Variants in CCDC33 observed in about 807,000 individuals in gnomAD.
CCDC33 encodes coiled-coil domain-containing protein 33.
In CCDC33, 94 loss-of-function variants were observed where a neutral mutation model predicts 91.9. The observed-to-expected ratio is 1.02, with a 90% CI of 0.87 to 1.21. The LOEUF (loss-of-function observed/expected upper bound fraction) is 1.21. Ranked by LOEUF, CCDC33 falls within the 50% of genes most tolerant of loss-of-function variation. The pLI is 0.00. For synonymous variants in CCDC33, 396 were observed against 374.5 expected (o/e 1.06, Z -0.66); for missense variants, 940 against 935.5 (o/e 1.00, Z -0.06).
Position 74,268,409 on chromosome 15 carries a change from A to G in CCDC33, c.497A>G (p.Lys166Arg), listed in dbSNP as rs2076225718. The G allele has an allele frequency of 6.2e-7, 1 of 1,602,392 alleles. No individual in the cohort carries two copies. ...KTQLYATVVR[K>R]SSFIPRYIGC... is the part of the protein sequence containing the mutation. ...CAGTTGTACGCAACAGTCGTTCGGA[A>G]GAGCAGCTTCATACCCCGCTACATC... The change falls in exon 5 of 19, where the codon AAG (lysine) becomes AGG (arginine). Residue 166 changes from lysine to arginine, a missense_variant. Lys to Arg is a conservative substitution (Grantham distance 26). Transcript: ENST00000398814.
chr15:74,248,754 A>G (rs918951540), intron 2 of CCDC33, among the ~76,000 whole-genome samples: 2 of 151,878 alleles, frequency 1.3e-5, no homozygotes, highest in African/African-American at 2.4e-5. Flanking sequence ...AGCCAAAACT[A>G]TTCCAGACCA....
At chr15:74,248,074 C>G (rs1018993018) in intron 2 of CCDC33, among the ~76,000 whole-genome samples, 3 of 149,816 alleles carry the variant, frequency 2.0e-5, no homozygotes, top group African/African-American at 7.4e-5. Flanking sequence ...GAGACTCCGT[C>G]TAAAAAAAAA....
intron 17 of CCDC33, among the ~76,000 whole-genome samples, chr15:74,334,298 G>A (rs1451184444): frequency 6.6e-6 from 1 of 151,280 alleles, no homozygotes; most frequent in East Asian, 2.0e-4. Flanking sequence ...TCAGGGTTCA[G>A]TGTACAATCA....
chr15:74,258,620 G>A (rs1446627106), intron 2 of CCDC33, among the ~76,000 whole-genome samples: 1 of 152,174 alleles, frequency 6.6e-6, no homozygotes, highest in Non-Finnish European at 1.5e-5. Flanking sequence ...ATGTGTGCAT[G>A]TATGTGTGTG....
At chr15:74,334,051 A>G in intron 17 of CCDC33, 84 bp downstream of exon 17, 1 of 1,206,674 alleles carries the variant, frequency 8.3e-7, no homozygotes. Context: ...AGCAGAGTCT[A>G]GGCTCAATCT....
intron 4 of CCDC33, among the ~76,000 whole-genome samples, chr15:74,267,641 G>A (rs1477465675): frequency 6.6e-6 from 1 of 152,100 alleles, no homozygotes; most frequent in Non-Finnish European, 1.5e-5. Flanking sequence ...GAAAGTGGTT[G>A]AGAGTAAAGA....
intron 2 of CCDC33, among the ~76,000 whole-genome samples, chr15:74,245,697 C>T (rs1337894867): frequency 3.5e-5 from 5 of 141,558 alleles, no homozygotes; most frequent in Non-Finnish European, 4.6e-5. Flanking sequence ...TTCGGAGAGC[C>T]GGGCACACCC....
chr15:74,298,226 G>T (rs1371536848), intron 11 of CCDC33, among the ~76,000 whole-genome samples: 1 of 152,060 alleles, frequency 6.6e-6, no homozygotes, highest in Admixed American at 6.6e-5. Flanking sequence ...GGGTGGGTTG[G>T]GTTGGAGTCT....
At chr15:74,301,625 T>C (rs1053336957) in intron 11 of CCDC33, 1 of 152,248 alleles carries the variant, frequency 6.6e-6, no homozygotes, top group African/African-American at 2.4e-5. Flanking sequence ...AGTGAGCCCT[T>C]AGTGAATGAG....
At chr15:74,234,714 G>T (rs935901748), upstream of CCDC33, among the ~76,000 whole-genome samples, 2 of 152,246 alleles carry the variant, frequency 1.3e-5, no homozygotes, top group African/African-American at 4.8e-5. Context: ...GAGGCAGAAA[G>T]CTCAGATGCC....
intron 16 of CCDC33, chr15:74,333,384 G>A (rs1567044792): frequency 1.5e-6 from 2 of 1,321,438 alleles, no homozygotes; most frequent in East Asian, 2.5e-5. Context: ...TGCTTCAGGG[G>A]CCCCTTGCTT....
chr15:74,290,334 T>C (rs351197), intron 10 of CCDC33, among the ~76,000 whole-genome samples: 8,059 of 152,134 alleles, frequency 0.053, 560 homozygotes, highest in African/African-American at 0.16. Context: ...CCCGCCACCA[T>C]GCCCAGCTAA....
Position 74,236,513 on chromosome 15 carries a change from C to T in CCDC33, c.-207C>T, listed in dbSNP as rs1595910109. ...TCCAGGACCTGCTCCCACCTGGCCA[C>T]CCTCCCCCTCCCCCCACATCCAGGC... On this transcript the variant is annotated 5_prime_UTR_variant, in exon 1 of 19. Coordinates refer to ENST00000398814, the MANE Select transcript of CCDC33 (RefSeq NM_025055.5). The T allele has an allele frequency of 2.6e-6, 1 of 392,074 alleles. No individual in the cohort carries two copies. Among genetic ancestry groups the T allele is most frequent in the Non-Finnish European group, 4.7e-6 (1 of 211,910 alleles). 24.3% of individuals were successfully genotyped at this position (392,074 alleles called of 1,614,324 possible).
chr15:74,318,678 A>G (rs1385083365), intron 11 of CCDC33: 1 of 759,032 alleles, frequency 1.3e-6, no homozygotes, highest in African/African-American at 1.7e-5. Flanking sequence ...CCCCTCGCCC[A>G]CTGGTTCTGG....
chr15:74,288,956 G>C (rs1480171946), intron 10 of CCDC33, among the ~76,000 whole-genome samples: 1 of 152,200 alleles, frequency 6.6e-6, no homozygotes, highest in Admixed American at 6.5e-5. Context: ...GCATGTGCAG[G>C]TAACCTAGCA....
At chr15:74,269,127 G>T (rs1227431379) in intron 5 of CCDC33, among the ~76,000 whole-genome samples, 3 of 151,998 alleles carry the variant, frequency 2.0e-5, no homozygotes. Flanking sequence ...AACTCTTGAT[G>T]CTCAAAGCAG....
chr15:74,271,486 G>A (rs1230223632), intron 5 of CCDC33, among the ~76,000 whole-genome samples: 2 of 152,208 alleles, frequency 1.3e-5, no homozygotes, highest in African/African-American at 4.8e-5. Context: ...AGCGGGAGCA[G>A]TTGCCTCAGC....
intron 2 of CCDC33, among the ~76,000 whole-genome samples, chr15:74,220,820 A>C (rs2074569335): frequency 6.6e-6 from 1 of 152,188 alleles, no homozygotes; most frequent in African/African-American, 2.4e-5. Flanking sequence ...GCCAGGAAGC[A>C]CAAGGGAGCA....
At chr15:74,326,039 G>A (rs1321008899) in intron 11 of CCDC33, among the ~76,000 whole-genome samples, 1 of 152,174 alleles carries the variant, frequency 6.6e-6, no homozygotes, top group East Asian at 1.9e-4. Context: ...CATTAAAAGT[G>A]CGACGGCAGG....
Sources: gnomAD v4.1 joint callset for allele counts (sites outside exome capture counted in the v4.1 genomes callset) on GRCh38, gnomAD v4.1.1 for gene constraint, MANE v1.5 for transcripts, NCBI Gene and HGNC (gene_info 2026-07-23, HGNC 2026-07-21) for gene names.